Variants in TXLNA observed in about 807,000 individuals in gnomAD.
TXLNA encodes taxilin alpha, also known as alpha-taxilin.
A neutral mutation model predicts 61.4 loss-of-function variants in TXLNA; 9 were observed. The observed-to-expected ratio is 0.15, with a 90% CI of 0.09 to 0.26. The LOEUF (loss-of-function observed/expected upper bound fraction) is 0.26, where lower values mean the gene tolerates loss of function less well. Ranked by LOEUF, TXLNA falls within the 10% of genes least tolerant of loss-of-function variation. TXLNA has a pLI of 1.00. For missense variants in TXLNA, 565 were observed against 688.8 expected, an observed-to-expected ratio of 0.82 and a Z score of 2.01; for synonymous variants, 257 against 267.7, an observed-to-expected ratio of 0.96 and a Z score of 0.39.
rs142252375 is a variant in TXLNA at position 32,196,112 on chromosome 1, C to G, written c.*917C>G. 6 of 157,936 alleles carry G rather than the reference C, an allele frequency of 3.8e-5. No homozygotes were observed. Among genetic ancestry groups the G allele is most frequent in the African/African-American group, 1.2e-4 (5 of 41,334 alleles). 9.8% of individuals were successfully genotyped at this position (157,936 alleles called of 1,614,324 possible). On this transcript the variant is annotated 3_prime_UTR_variant, in exon 11 of 11. Coordinates refer to ENST00000373610, the MANE Select transcript of TXLNA (RefSeq NM_175852.4). ...CAGTGTCCCACCTCCTTCACCACCC[C>G]ACTTGGCTCCTTTGCCATCTTGATG...
chr1:32,188,422 T>C (rs889837889), intron 5 of TXLNA, among the ~76,000 whole-genome samples: 2 of 152,170 alleles, frequency 1.3e-5, no homozygotes, highest in Non-Finnish European at 2.9e-5. Context: ...ATGGATCACT[T>C]GAGGCCAGGA....
In TXLNA at chr1:32,192,199, C is replaced by A; in HGVS notation, c.964-112C>A. ...TTGTGTGGTACACATGGGAGTCCAT[C>A]ATATCAGATTGAGATGGGGGGCTGG... is the stretch of plus-strand genomic sequence containing the variant. On this transcript the variant is annotated intron_variant, in intron 6 of 10. Coordinates refer to ENST00000373610, the MANE Select transcript of TXLNA (RefSeq NM_175852.4). The surrounding 1 kb of genome is among the most constrained non-coding windows in gnomAD (Gnocchi z 4.2). The A allele has an allele frequency of 6.7e-7, 1 of 1,482,592 alleles. No homozygotes were observed. The highest frequency in any genetic ancestry group is 1.4e-5 in the African/African-American group (1 of 71,774). 91.8% of individuals were successfully genotyped at this position (1,482,592 alleles called of 1,614,324 possible).
chr1:32,195,116 C>A lies in TXLNA; in HGVS notation c.1562C>A (p.Ala521Glu), dbSNP rs781601693. The A allele has an allele frequency of 1.2e-5, 20 of 1,613,900 alleles. No homozygotes were observed. The highest frequency in any genetic ancestry group is 1.7e-5 in the Non-Finnish European group (20 of 1,179,972). The stretch of plus-strand genomic sequence containing the variant: ...CCCAGCTCCCCCAGGGTCACAGAAG[C>A]GCCTTGCTACCCAGGAGCACCGAGC... ...QAPSSPRVTEAPCYPGAPSTE... is the reference protein window; with the variant it reads ...QAPSSPRVTEEPCYPGAPSTE... Residue 521 changes from alanine (A) to glutamate (E), a missense_variant, in exon 11 of 11, where the codon GCG (alanine) becomes GAG (glutamate). This residue lies in a region of TXLNA where 373 missense variants were observed against 504.0 expected (regional missense o/e 0.74). Transcript: ENST00000373610.
At position 32,190,356 on chromosome 1, in the gene TXLNA, TTCCTCC is replaced by T. The variant is rs10551696; in HGVS notation, c.963+118_963+123del. On this transcript the variant is annotated intron_variant, in intron 6 of 10. Coordinates refer to ENST00000373610, the MANE Select transcript of TXLNA (RefSeq NM_175852.4). The stretch of plus-strand genomic sequence containing the variant: ...CAGGCTTCATCCCATTCTCCCTTTC[TTCCTCC>T]TCCTCCTCCTTGGGAGGAGAGTAAT... 1.3e-5 allele frequency: 13 copies of T among 1,036,610 alleles called. No individual in the cohort carries two copies. The South Asian group carries it at 2.3e-4, about 18-fold the overall frequency. 64.2% of individuals were successfully genotyped at this position (1,036,610 alleles called of 1,614,324 possible).
chr1:32,181,084 T>C (rs1404758213), intron 2 of TXLNA, among the ~76,000 whole-genome samples, 158 bp from the exon 3 acceptor site: 3 of 152,202 alleles, frequency 2.0e-5, no homozygotes, highest in Non-Finnish European at 4.4e-5. Flanking sequence ...GAACTAGATT[T>C]GCTGAATGAT....
intron 4 of TXLNA, among the ~76,000 whole-genome samples, chr1:32,186,226 AGAG>A (rs1287674738): frequency 1.3e-5 from 2 of 152,130 alleles, no homozygotes; most frequent in Non-Finnish European, 1.5e-5. Context: ...TGTTGTGAGT[AGAG>A]GAGGGGAGCT....
chr1:32,194,127 C>T lies in TXLNA; in HGVS notation c.1314C>T (p.Ser438=). The T allele has an allele frequency of 6.2e-7, 1 of 1,613,922 alleles. No homozygotes were observed. The highest frequency in any genetic ancestry group is 1.1e-5 in the South Asian group (1 of 91,020). ...CCATGTACCGGTCCCGGTGGGAGAG[C>T]AGCAACAAGGCCCTGCTTGAGATGG... is the stretch of plus-strand genomic sequence containing the variant. ...ETTMYRSRWE[S]SNKALLEMAE... The change falls in exon 10 of 11, where the codon AGC becomes AGT. Residue 438 remains serine (S), a synonymous_variant. Coordinates refer to ENST00000373610, the MANE Select transcript of TXLNA (RefSeq NM_175852.4).
At position 32,181,500 on chromosome 1, in the gene TXLNA, A is replaced by T; in HGVS notation, c.428A>T (p.Glu143Val). The T allele has an allele frequency of 6.2e-7, 1 of 1,608,018 alleles. No homozygotes were observed. The highest frequency in any genetic ancestry group is 2.2e-5 in the East Asian group (1 of 44,716). The change falls in exon 3 of 11, where the codon GAA (glutamate) becomes GTA (valine). Residue 143 changes from glutamate to valine, a missense_variant. Physicochemically the swap from Glu to Val is moderately radical, Grantham distance 121. Transcript: ENST00000373610. Reference sequence around the variant, plus strand: ...CCCTCCAAGGGGGATCCAAACACAGAAGAGATCCGGCAGAGTGACGAGGTC... The same window carrying T: ...CCCTCCAAGGGGGATCCAAACACAGTAGAGATCCGGCAGAGTGACGAGGTC... ...KEPSKGDPNT[E>V]EIRQSDEVGD...
At position 32,188,103 on chromosome 1, in the gene TXLNA, G is replaced by A; in HGVS notation, c.747G>A (p.Gln249=). 1 of 1,569,766 alleles carries A rather than the reference G, an allele frequency of 6.4e-7. No individual in the cohort carries two copies. The highest frequency in any genetic ancestry group is 8.6e-7 in the Non-Finnish European group (1 of 1,156,364). ...SKLESLCREL[Q]RHNRSLKEEG... ...TTGAGAGCCTATGCCGTGAGCTGCA[G>A]CGGCACAACCGCTCCCTCAAGGTAG... The change falls in exon 5 of 11, where the codon CAG becomes CAA. Residue 249 remains glutamine (Q), a synonymous_variant. Coordinates refer to ENST00000373610, the MANE Select transcript of TXLNA (RefSeq NM_175852.4).
rs1467397586 is a variant in TXLNA, at chr1:32,187,914, C to A, written c.598-40C>A. On this transcript the variant is annotated intron_variant, in intron 4 of 10. Transcript: ENST00000373610. ...TAGTGATCCCCCCACCAGGAAGGCC[C>A]CACAAGATGCTCACCTGCCCTCCCT... 5 of 1,600,252 alleles carry A rather than the reference C, an allele frequency of 3.1e-6. No homozygotes were observed. In the East Asian group the frequency reaches 8.9e-5, roughly 29 times the overall value.
In TXLNA at chr1:32,195,608, T is replaced by G; in HGVS notation, c.*413T>G. 7.3e-6 allele frequency: 3 copies of G among 411,770 alleles called. No individual in the cohort carries two copies. Among genetic ancestry groups the G allele is most frequent in the Non-Finnish European group, 1.4e-5 (3 of 209,546 alleles). 25.5% of individuals were successfully genotyped at this position (411,770 alleles called of 1,614,324 possible). A position where few individuals can be genotyped will look rare whatever the true frequency, so the allele number is the denominator to read the frequency against. ...GCTCAAGACAAGTAATACACCCAGGTCTTGACTGCATTTGTCTTGTGAGCA... is the reference window on the plus strand; with the variant it reads ...GCTCAAGACAAGTAATACACCCAGGGCTTGACTGCATTTGTCTTGTGAGCA... On this transcript the variant is annotated 3_prime_UTR_variant, in exon 11 of 11. Transcript: ENST00000373610.
chr1:32,181,478 T>C lies in TXLNA; in HGVS notation c.406T>C (p.Ser136Pro). Residue 136 changes from serine (S) to proline (P), a missense_variant, in exon 3 of 11, where the codon TCC becomes CCC. This residue lies in a region of TXLNA where 192 missense variants were observed against 184.8 expected (regional missense o/e 1.04). Transcript: ENST00000373610. ...TPVVNGEKEPSKGDPNTEEIR... is the reference protein window; with the variant it reads ...TPVVNGEKEPPKGDPNTEEIR... ...AGTAGTCAATGGAGAGAAGGAACCC[T>C]CCAAGGGGGATCCAAACACAGAAGA... 2 of 1,612,484 alleles carry C rather than the reference T, an allele frequency of 1.2e-6. No homozygotes were observed. The highest frequency in any genetic ancestry group is 1.7e-6 in the Non-Finnish European group (2 of 1,179,334).
rs1334503277 is a variant in TXLNA at position 32,192,529 on chromosome 1, C to CCAGG, written c.1083+102_1083+105dup. On this transcript the variant is annotated intron_variant, in intron 7 of 10. Transcript: ENST00000373610. This position sits in a 1 kb window ranked among gnomAD's most constrained non-coding sequence, Gnocchi z 4.2. ...GTTATATGGGAGAAGTCTGGCCAGACCAGGCACAGATTCCTTGAGTACCAG... is the reference window on the plus strand; with the variant it reads ...GTTATATGGGAGAAGTCTGGCCAGACCAGGCAGGCACAGATTCCTTGAGTACCAG... 1.3e-6 allele frequency: 2 copies of CCAGG among 1,589,740 alleles called. No individual in the cohort carries two copies. The highest frequency in any genetic ancestry group is 4.5e-5 in the East Asian group (2 of 44,634).
chr1:32,192,689 G>A lies in TXLNA; in HGVS notation c.1116G>A (p.Met372Ile). The change falls in exon 8 of 11, where the codon ATG becomes ATA. Residue 372 changes from methionine to isoleucine, a missense_variant. Physicochemically the swap from Met to Ile is conservative, Grantham distance 10. This residue lies in a region of TXLNA where 373 missense variants were observed against 504.0 expected (regional missense o/e 0.74). Coordinates refer to ENST00000373610, the MANE Select transcript of TXLNA (RefSeq NM_175852.4). The surrounding 1 kb of genome is among the most constrained non-coding windows in gnomAD (Gnocchi z 4.2). Reference protein sequence around the residue: ...LLKEAVESQRMCELMKQQETH... With the variant: ...LLKEAVESQRICELMKQQETH... ...AAGAGGCAGTAGAGTCCCAGAGGAT[G>A]TGTGAGCTGATGAAGCAGCAAGAGA... The A allele has an allele frequency of 6.2e-7, 1 of 1,614,220 alleles. No homozygotes were observed. Among genetic ancestry groups the A allele is most frequent in the Non-Finnish European group, 8.5e-7 (1 of 1,180,034 alleles).
intron 5 of TXLNA, 21 bp from the exon 6 acceptor site, chr1:32,190,034 C>T (rs778300381): frequency 1.5e-5 from 23 of 1,542,396 alleles, no homozygotes; most frequent in African/African-American, 1.4e-4. Context: ...TGATGGCTCT[C>T]GGGCTGACTT....
At position 32,194,980 on chromosome 1, in the gene TXLNA, A is replaced by T. The variant is rs750472248; in HGVS notation, c.1426A>T (p.Thr476Ser). The change falls in exon 11 of 11, where the codon ACA (threonine) becomes TCA (serine). Residue 476 changes from threonine to serine, a missense_variant. Physicochemically the swap from Thr to Ser is moderately conservative, Grantham distance 58. Around this residue, in one of 2 missense-constraint regions of TXLNA, gnomAD observed 373 missense variants for 504.0 expected, o/e 0.74. Coordinates refer to ENST00000373610, the MANE Select transcript of TXLNA (RefSeq NM_175852.4). ...GGAGAAGCTGTGCCGGGCACTGCAGACAGAGCGCAATGACCTGAACAAGAG... is the reference window on the plus strand; with the variant it reads ...GGAGAAGCTGTGCCGGGCACTGCAGTCAGAGCGCAATGACCTGAACAAGAG... ...RLEKLCRALQ[T>S]ERNDLNKRVQ... 6.2e-7 allele frequency: 1 copy of T among 1,614,226 alleles called. No individual in the cohort carries two copies. The highest frequency in any genetic ancestry group is 8.5e-7 in the Non-Finnish European group (1 of 1,180,034).
rs116420864 is a variant in TXLNA, at chr1:32,194,674, C to T, written c.1348-228C>T. Among the ~76,000 whole-genome samples, 1,103 of 152,288 alleles carry T rather than the reference C, an allele frequency of 7.2e-3. 9 individuals carry two copies. The highest frequency in any genetic ancestry group is 0.02 in the Middle Eastern group (6 of 294). On this transcript the variant is annotated intron_variant, in intron 10 of 10. Transcript: ENST00000373610. ...AAAGTCAAGTCCTTTGCCAAGGTCA[C>T]GTGGTAGATAAATGGAGGAATACGT...
At position 32,181,553 on chromosome 1, in the gene TXLNA, G is replaced by A; in HGVS notation, c.481G>A (p.Glu161Lys). The A allele has an allele frequency of 5.8e-6, 9 of 1,553,304 alleles. No homozygotes were observed. The highest frequency in any genetic ancestry group is 7.8e-6 in the Non-Finnish European group (9 of 1,147,718). Residue 161 changes from glutamate (E) to lysine (K), a missense_variant, in exon 3 of 11, where the codon GAG (glutamate) becomes AAG (lysine). Physicochemically the swap from Glu to Lys is moderately conservative, Grantham distance 56. Coordinates refer to ENST00000373610, the MANE Select transcript of TXLNA (RefSeq NM_175852.4). Reference protein sequence around the residue: ...VGDRDHRRPQEKKKAKGLGKE... With the variant: ...VGDRDHRRPQKKKKAKGLGKE... The stretch of plus-strand genomic sequence containing the variant: ...AGACCGAGACCATCGAAGGCCACAG[G>A]AGAAGAAAAAAGCCAAGGGTTTGGG...
intron 3 of TXLNA, among the ~76,000 whole-genome samples, chr1:32,183,305 T>C (rs928922474): frequency 6.7e-6 from 1 of 148,444 alleles, no homozygotes; most frequent in Non-Finnish European, 1.5e-5. Context: ...TGTATTTTTT[T>C]AGTAGTGACA....
Sources: allele counts gnomAD v4.1 joint callset (sites outside exome capture counted in the v4.1 genomes callset), GRCh38; gene constraint gnomAD v4.1.1; regional missense constraint gnomAD v4.1.1; non-coding constraint Gnocchi (gnomAD v3.1); transcripts MANE v1.5; gene names NCBI Gene and HGNC (gene_info 2026-07-23, HGNC 2026-07-21).